The following APBB2 variants were observed in gnomAD, a reference collection of about 807,000 sequenced individuals.
The protein encoded by APBB2 is amyloid beta precursor protein binding family B member 2, also known as Fe65-like 1.
Under a neutral mutation model 82.5 loss-of-function variants are expected in APBB2, and 38 were observed. That is an observed-to-expected ratio of 0.46 (90% CI 0.36 to 0.60). The LOEUF (loss-of-function observed/expected upper bound fraction) is 0.60. Among genes scored for constraint, APBB2 ranks in the 20% least tolerant of loss-of-function variants. The pLI is 0.00. For synonymous variants in APBB2, 341 were observed against 368.2 expected, an observed-to-expected ratio of 0.93 and a Z score of 0.85; for missense variants, 772 against 972.3, an observed-to-expected ratio of 0.79 and a Z score of 2.74.
At chr4:41,045,923 A>G (rs1278167292) in intron 4 of APBB2, among the ~76,000 whole-genome samples, 1 of 152,200 alleles carries the variant, frequency 6.6e-6, no homozygotes, top group Non-Finnish European at 1.5e-5. Flanking sequence ...CAGGATTTAG[A>G]AAATGGCCTT....
At chr4:41,165,320 C>T (rs905800532) in intron 1 of APBB2, among the ~76,000 whole-genome samples, 6 of 152,176 alleles carry the variant, frequency 3.9e-5, no homozygotes, top group Admixed American at 3.3e-4. Context: ...ATCTTACCAT[C>T]CAATGCTACT....
intron 10 of APBB2, among the ~76,000 whole-genome samples, chr4:40,905,836 G>C (rs147091154): frequency 6.6e-6 from 1 of 152,042 alleles, no homozygotes; most frequent in Admixed American, 6.6e-5. Context: ...TCACTCCTCC[G>C]CACTGAGAGA....
chr4:40,860,373 G>A (rs910412605), intron 12 of APBB2, among the ~76,000 whole-genome samples: 5 of 152,188 alleles, frequency 3.3e-5, no homozygotes, highest in African/African-American at 2.4e-5. Flanking sequence ...CCTTTGGGGT[G>A]GAGCCTCAAT....
At chr4:40,917,436 C>A (rs116509541) in intron 10 of APBB2, among the ~76,000 whole-genome samples, 1 of 152,142 alleles carries the variant, frequency 6.6e-6, no homozygotes, top group African/African-American at 2.4e-5. Flanking sequence ...CCACCTGCTA[C>A]GGTCCCCTGA....
intron 12 of APBB2, among the ~76,000 whole-genome samples, chr4:40,836,354 G>A (rs1209705145): frequency 1.3e-5 from 2 of 152,168 alleles, no homozygotes; most frequent in Admixed American, 1.3e-4. Flanking sequence ...GTGTGCACCT[G>A]TAATCCCAGC....
intron 7 of APBB2, 113 bp downstream of exon 7, chr4:40,944,752 C>A: frequency 2.0e-6 from 2 of 1,005,742 alleles, no homozygotes; most frequent in Non-Finnish European, 3.0e-6. Context: ...GCAACATGCA[C>A]AATAATCAAA....
chr4:41,038,470 C>A (rs1720109296), intron 4 of APBB2, among the ~76,000 whole-genome samples: 1 of 152,172 alleles, frequency 6.6e-6, no homozygotes, highest in African/African-American at 2.4e-5. Flanking sequence ...TAACTCCTCC[C>A]CTGACAGCCA....
At chr4:40,985,187 T>C (rs891083481) in intron 6 of APBB2, among the ~76,000 whole-genome samples, 2 of 152,174 alleles carry the variant, frequency 1.3e-5, no homozygotes, top group African/African-American at 4.8e-5. Flanking sequence ...GTGTTGGGAT[T>C]ACAGGCGTGA....
chr4:41,116,249 G>A (rs541101937), intron 2 of APBB2, among the ~76,000 whole-genome samples: 1 of 152,296 alleles, frequency 6.6e-6, no homozygotes, highest in African/African-American at 2.4e-5. Context: ...TCACTCATGG[G>A]TGGGAGTTGA....
At chr4:41,024,477 G>A (rs1045011963) in intron 5 of APBB2, among the ~76,000 whole-genome samples, 5 of 152,052 alleles carry the variant, frequency 3.3e-5, no homozygotes, top group African/African-American at 9.7e-5. Flanking sequence ...ATTGAAGAAC[G>A]AAAGAAAAAT....
chr4:41,204,205 T>C (rs931043823), intron 1 of APBB2, among the ~76,000 whole-genome samples: 9 of 152,200 alleles, frequency 5.9e-5, no homozygotes, highest in African/African-American at 2.2e-4. Flanking sequence ...TCATGAAATA[T>C]GTTCGGTGCC....
At chr4:41,173,300 C>CA (rs1166955630) in intron 1 of APBB2, among the ~76,000 whole-genome samples, 2 of 152,132 alleles carry the variant, frequency 1.3e-5, no homozygotes, top group Non-Finnish European at 2.9e-5. Context: ...CTGAAATACC[C>CA]AAACTGATTT....
chr4:40,946,230 T>TC (rs1788358242), intron 6 of APBB2, among the ~76,000 whole-genome samples: 2 of 17,858 alleles, frequency 1.1e-4, no homozygotes, highest in Admixed American at 8.9e-4. Context: ...AGACTCTATC[T>TC]CCAAAAAAAA....
chr4:40,961,073 A>C (rs1261302751), intron 6 of APBB2, among the ~76,000 whole-genome samples: 1 of 152,134 alleles, frequency 6.6e-6, no homozygotes, highest in Non-Finnish European at 1.5e-5. Context: ...AGGCAGAAGA[A>C]ATTTGGTTCC....
chr4:40,946,956 A>AT (rs1233176025), intron 6 of APBB2, among the ~76,000 whole-genome samples: 1 of 152,218 alleles, frequency 6.6e-6, no homozygotes, highest in Non-Finnish European at 1.5e-5. Context: ...CACTTTCCTC[A>AT]TTTAAATCTG....
In APBB2 at chr4:41,013,779, T is replaced by A. The variant is rs182442220; in HGVS notation, c.639A>T (p.Arg213Ser). Residue 213 changes from arginine to serine, a missense_variant, in exon 6 of 18, where the codon AGA becomes AGT. Transcript: ENST00000508593. ...NGDLLLQKPN[R>S]PQSSPEDGQV... The stretch of plus-strand genomic sequence containing the variant: ...GGCCGTCTTCAGGGCTGGACTGGGG[T>A]CTGTTTGGTTTCTGCAGCAGCAAAT... 6.2e-7 allele frequency: 1 copy of A among 1,613,786 alleles called. No individual in the cohort carries two copies. Among genetic ancestry groups the A allele is most frequent in the South Asian group, 1.1e-5 (1 of 91,050 alleles).
chr4:41,162,482 T>C (rs1023310419), intron 1 of APBB2, among the ~76,000 whole-genome samples: 10 of 152,194 alleles, frequency 6.6e-5, no homozygotes, highest in African/African-American at 2.4e-4. Flanking sequence ...GAAGTGAGCT[T>C]AGACTCACCC....
chr4:41,162,865 T>C (rs1447391539), intron 1 of APBB2, among the ~76,000 whole-genome samples: 1 of 152,104 alleles, frequency 6.6e-6, no homozygotes, highest in Non-Finnish European at 1.5e-5. Context: ...TTAAAATAAA[T>C]AATAAATTTT....
chr4:41,109,601 G>A (rs1434587759), intron 2 of APBB2, among the ~76,000 whole-genome samples: 1 of 152,176 alleles, frequency 6.6e-6, no homozygotes, highest in Admixed American at 6.5e-5. Flanking sequence ...CTCCCGAGTA[G>A]CCGGGATTAC....
Sources: gnomAD v4.1 joint callset for allele counts (sites outside exome capture counted in the v4.1 genomes callset) on GRCh38, gnomAD v4.1.1 for gene constraint, MANE v1.5 for transcripts, NCBI Gene and HGNC (gene_info 2026-07-23, HGNC 2026-07-21) for gene names.